GPC5: variants seen among roughly 807,000 people sequenced by gnomAD.
The protein encoded by GPC5 is glypican-5.
A neutral mutation model predicts 53.9 loss-of-function variants in GPC5; 47 were observed. That is an observed-to-expected ratio of 0.87 (90% CI 0.69 to 1.11). The LOEUF (loss-of-function observed/expected upper bound fraction) is 1.11, where lower values mean the gene tolerates loss of function less well. Among genes scored for constraint, GPC5 ranks in the 50% most tolerant of loss-of-function variants. GPC5 has a pLI of 0.00. For missense variants in GPC5, 748 were observed against 713.1 expected (o/e 1.05, Z -0.56); for synonymous variants, 286 against 263.3 (o/e 1.09, Z -0.84).
intron 7 of GPC5, among the ~76,000 whole-genome samples, chr13:92,209,723 T>C (rs904027600): frequency 7.9e-5 from 12 of 152,148 alleles, no homozygotes; most frequent in African/African-American, 1.2e-4. Context: ...AACAAAATTA[T>C]GTTTGTATTC....
At chr13:91,470,521 A>G (rs1882552572) in intron 2 of GPC5, among the ~76,000 whole-genome samples, 1 of 152,156 alleles carries the variant, frequency 6.6e-6, no homozygotes, top group Non-Finnish European at 1.5e-5. Flanking sequence ...ATCGGAGCGC[A>G]TATTGGATTT....
chr13:92,630,350 A>T (rs770696404), intron 7 of GPC5, among the ~76,000 whole-genome samples: 1 of 152,148 alleles, frequency 6.6e-6, no homozygotes, highest in Non-Finnish European at 1.5e-5. Flanking sequence ...TTTGTTTCCT[A>T]TCTTTAAAAG....
chr13:91,531,574 A>G (rs1886347431), intron 2 of GPC5, among the ~76,000 whole-genome samples: 1 of 152,140 alleles, frequency 6.6e-6, no homozygotes, highest in East Asian at 1.9e-4. Flanking sequence ...AACAGAAGGG[A>G]GTGTGCCGTT....
intron 7 of GPC5, among the ~76,000 whole-genome samples, chr13:92,806,969 A>C (rs1272334899): frequency 6.6e-6 from 1 of 152,102 alleles, no homozygotes; most frequent in South Asian, 2.1e-4. Context: ...CAATTAGTAA[A>C]AACACAATAT....
chr13:92,627,490 A>T (rs899700501), intron 7 of GPC5, among the ~76,000 whole-genome samples: 2 of 152,186 alleles, frequency 1.3e-5, no homozygotes, highest in South Asian at 2.1e-4. Flanking sequence ...TTGCTTTATT[A>T]TAATGTATTA....
At chr13:92,183,697 A>G (rs929834800) in intron 7 of GPC5, among the ~76,000 whole-genome samples, 26 of 152,166 alleles carry the variant, frequency 1.7e-4, no homozygotes, top group African/African-American at 6.3e-4. Context: ...AATTCTGTCA[A>G]ATGTAAATAT....
chr13:92,417,282 T>C (rs910075889), intron 7 of GPC5, among the ~76,000 whole-genome samples: 1 of 152,104 alleles, frequency 6.6e-6, no homozygotes, highest in Non-Finnish European at 1.5e-5. Context: ...GTCAGTAAAA[T>C]GCAAATGAAC....
chr13:91,462,590 G>A (rs964885449), intron 2 of GPC5, among the ~76,000 whole-genome samples: 2 of 152,118 alleles, frequency 1.3e-5, no homozygotes, highest in South Asian at 4.1e-4. Flanking sequence ...TTGCGTATCT[G>A]TAAGACATTG....
At chr13:92,763,373 T>C (rs1237304318) in intron 7 of GPC5, among the ~76,000 whole-genome samples, 1 of 109,408 alleles carries the variant, frequency 9.1e-6, no homozygotes, top group Non-Finnish European at 1.9e-5. Flanking sequence ...TCAGCTTTGG[T>C]CAATGTTTGT....
intron 7 of GPC5, among the ~76,000 whole-genome samples, chr13:92,583,841 T>C (rs1883445933): frequency 6.6e-6 from 1 of 152,120 alleles, no homozygotes; most frequent in Non-Finnish European, 1.5e-5. Flanking sequence ...AGGTCTTTCC[T>C]GTGTTGTTCT....
At chr13:92,298,939 G>A (rs973366949) in intron 7 of GPC5, among the ~76,000 whole-genome samples, 1 of 151,986 alleles carries the variant, frequency 6.6e-6, no homozygotes, top group Non-Finnish European at 1.5e-5. Context: ...CTTTTACTTT[G>A]GACACTTGCT....
intron 4 of GPC5, among the ~76,000 whole-genome samples, chr13:91,753,968 A>C (rs2037234432): frequency 6.6e-6 from 1 of 152,196 alleles, no homozygotes; most frequent in Non-Finnish European, 1.5e-5. Context: ...AGTGCCAATA[A>C]AAAACTTAGT....
At chr13:92,674,576 G>A (rs9516117) in intron 7 of GPC5, among the ~76,000 whole-genome samples, 1 of 37,070 alleles carries the variant, frequency 2.7e-5, no homozygotes, top group African/African-American at 7.8e-5. Flanking sequence ...TCTTGAAGCA[G>A]GAGCTTCATG....
intron 5 of GPC5, among the ~76,000 whole-genome samples, chr13:91,784,183 C>T (rs1271910340): frequency 6.6e-6 from 1 of 151,994 alleles, no homozygotes; most frequent in Non-Finnish European, 1.5e-5. Flanking sequence ...ATAAAATGGA[C>T]AATCCTGATA....
At chr13:92,745,880 AT>A (rs1889229174) in intron 7 of GPC5, among the ~76,000 whole-genome samples, 1 of 152,072 alleles carries the variant, frequency 6.6e-6, no homozygotes, top group Admixed American at 6.6e-5. Flanking sequence ...TCACTAAGTC[AT>A]TTCTTATATT....
At chr13:92,073,549 A>C (rs1327668692) in intron 6 of GPC5, among the ~76,000 whole-genome samples, 1 of 151,884 alleles carries the variant, frequency 6.6e-6, no homozygotes, top group Non-Finnish European at 1.5e-5. Context: ...TTCATATCTC[A>C]CTGGTTTAGA....
At position 92,347,151 on chromosome 13, in the gene GPC5, TC is replaced by T. The variant is rs2043420091; in HGVS notation, c.1561+202164del. ...AAAGAAATAAGGGCTAAAAAAAACT[TC>T]CATATTCTGTGAACAGATGCCAACA... On this transcript the variant is annotated intron_variant, in intron 7 of 7. Transcript: ENST00000377067. 2.0e-5 allele frequency among the ~76,000 whole-genome samples: 3 copies of T among 152,098 alleles called. No homozygotes were observed. The South Asian group carries it at 6.2e-4, about 32-fold the overall frequency.
At chr13:91,892,528 A>C (rs2039397945) in intron 5 of GPC5, among the ~76,000 whole-genome samples, 3 of 151,738 alleles carry the variant, frequency 2.0e-5, no homozygotes, top group Admixed American at 1.3e-4. Flanking sequence ...TATGTATATT[A>C]ATTGTTATTT....
At chr13:91,519,511 A>G (rs1262956239) in intron 2 of GPC5, among the ~76,000 whole-genome samples, 1 of 151,360 alleles carries the variant, frequency 6.6e-6, no homozygotes, top group Non-Finnish European at 1.5e-5. Flanking sequence ...AGTATATAAC[A>G]CTCCCCACTT....
Sources: gnomAD v4.1 joint callset for allele counts (sites outside exome capture counted in the v4.1 genomes callset) on GRCh38, gnomAD v4.1.1 for gene constraint, MANE v1.5 for transcripts, NCBI Gene and HGNC (gene_info 2026-07-23, HGNC 2026-07-21) for gene names.